Variants in MSRA observed in about 807,000 individuals in gnomAD.
MSRA encodes the protein mitochondrial peptide methionine sulfoxide reductase.
In MSRA, 54 loss-of-function variants were observed where a neutral mutation model predicts 31.3. The observed-to-expected ratio is 1.73, with a 90% CI of 1.39 to 2.17. The LOEUF is 2.17. Ranked by LOEUF, MSRA falls within the 30% of genes most tolerant of loss-of-function variation. The probability of loss-of-function intolerance (pLI) is 0.00; values close to 1 mark genes in which losing one functional copy is unlikely to be tolerated. For missense variants in MSRA, 507 were observed against 300.9 expected (o/e 1.69, Z -5.07); for synonymous variants, 169 against 116.5 (o/e 1.45, Z -2.90).
chr8:10,230,943 C>A (rs1252935967), intron 2 of MSRA, among the ~76,000 whole-genome samples: 4 of 152,164 alleles, frequency 2.6e-5, no homozygotes, highest in African/African-American at 9.7e-5. Flanking sequence ...TGCCACCACG[C>A]CTGGCTAATT....
At chr8:10,333,578 C>G (rs1345891722) in intron 5 of MSRA, among the ~76,000 whole-genome samples, 3 of 152,120 alleles carry the variant, frequency 2.0e-5, no homozygotes, top group Non-Finnish European at 4.4e-5. Flanking sequence ...TTCTTATTTG[C>G]TAAACAGGAT....
chr8:10,304,464 C>T (rs1801016826), intron 4 of MSRA, among the ~76,000 whole-genome samples: 1 of 152,200 alleles, frequency 6.6e-6, no homozygotes, highest in South Asian at 2.1e-4. Flanking sequence ...AAAAAACAAA[C>T]AATAACCAAC....
At chr8:10,070,481 G>C (rs1388050813) in intron 1 of MSRA, among the ~76,000 whole-genome samples, 1 of 152,204 alleles carries the variant, frequency 6.6e-6, no homozygotes, top group Non-Finnish European at 1.5e-5. Context: ...AATACAAACT[G>C]TTGTACTCTG....
rs981993361 is a variant in MSRA, at chr8:10,288,421, G to A, written c.332-13113G>A. On this transcript the variant is annotated intron_variant, in intron 3 of 5. Coordinates refer to ENST00000317173, the MANE Select transcript of MSRA (RefSeq NM_012331.5). ...AATTTATAGAATCAGGTGGTTTGGT[G>A]CTGTGCAGATATTCTAAAGAGTTCC... Among the ~76,000 whole-genome samples the A allele has an allele frequency of 1.4e-4, 21 of 152,292 alleles. 1 individual carries two copies. Among genetic ancestry groups the A allele is most frequent in the Middle Eastern group, 6.8e-3 (2 of 294 alleles).
chr8:10,166,543 G>C (rs894940020), intron 1 of MSRA, among the ~76,000 whole-genome samples: 19 of 152,144 alleles, frequency 1.2e-4, no homozygotes, highest in African/African-American at 4.6e-4. Flanking sequence ...GTGTGCATGT[G>C]CATTTGTATG....
intron 5 of MSRA, among the ~76,000 whole-genome samples, chr8:10,362,328 G>A (rs1037365709): frequency 6.6e-6 from 1 of 151,974 alleles, no homozygotes; most frequent in African/African-American, 2.4e-5. Context: ...TGTGATTAGT[G>A]CTTGCTCCTG....
intron 5 of MSRA, among the ~76,000 whole-genome samples, chr8:10,346,927 T>TCAGA (rs1803815970): frequency 6.6e-6 from 1 of 152,158 alleles, no homozygotes; most frequent in South Asian, 2.1e-4. Context: ...TTTTATATAG[T>TCAGA]CAGACTAGTG....
At chr8:10,226,978 G>A (rs1009150203) in intron 2 of MSRA, among the ~76,000 whole-genome samples, 12 of 152,168 alleles carry the variant, frequency 7.9e-5, no homozygotes, top group African/African-American at 2.9e-4. Context: ...CTGGTCCAGG[G>A]AGCTGGTTTT....
At chr8:10,175,156 A>G (rs1051440951) in intron 1 of MSRA, among the ~76,000 whole-genome samples, 3 of 151,806 alleles carry the variant, frequency 2.0e-5, no homozygotes, top group South Asian at 4.2e-4. Flanking sequence ...TCACTTCACC[A>G]TCTTGGAGCA....
intron 1 of MSRA, among the ~76,000 whole-genome samples, chr8:10,156,528 CGTTT>C (rs1429915224): frequency 6.6e-6 from 1 of 152,008 alleles, no homozygotes; most frequent in African/African-American, 2.4e-5. Flanking sequence ...AATGCTATAT[CGTTT>C]GTTTCTGTAG....
At chr8:10,253,464 A>G (rs1452819766) in intron 3 of MSRA, among the ~76,000 whole-genome samples, 4 of 152,246 alleles carry the variant, frequency 2.6e-5, no homozygotes, top group Non-Finnish European at 5.9e-5. Context: ...TCAATATTTC[A>G]GCAATTTTGG....
At chr8:10,170,272 A>G (rs1437883956) in intron 1 of MSRA, among the ~76,000 whole-genome samples, 3 of 152,156 alleles carry the variant, frequency 2.0e-5, no homozygotes, top group Non-Finnish European at 4.4e-5. Flanking sequence ...GATATCAGGA[A>G]GTGGGGCCTC....
At chr8:10,168,836 G>A (rs530631028) in intron 1 of MSRA, among the ~76,000 whole-genome samples, 2 of 152,286 alleles carry the variant, frequency 1.3e-5, no homozygotes, top group African/African-American at 4.8e-5. Context: ...AAATTTGGAA[G>A]TCTAGGACAT....
intron 1 of MSRA, among the ~76,000 whole-genome samples, chr8:10,132,540 C>T (rs1563133064): frequency 6.6e-6 from 1 of 152,162 alleles, no homozygotes; most frequent in African/African-American, 2.4e-5. Context: ...AAGATCAAGG[C>T]ACTGGCAGAT....
intron 1 of MSRA, among the ~76,000 whole-genome samples, chr8:10,188,405 G>A (rs1038011676): frequency 2.0e-5 from 3 of 152,154 alleles, no homozygotes; most frequent in African/African-American, 7.2e-5. Context: ...AGACTGTTTC[G>A]TTAGGATGTC....
chr8:10,334,250 A>G (rs758007623), intron 5 of MSRA, among the ~76,000 whole-genome samples: 1 of 151,430 alleles, frequency 6.6e-6, no homozygotes, highest in Non-Finnish European at 1.5e-5. Flanking sequence ...ATATTCGTTA[A>G]TTTCCGTGGA....
intron 2 of MSRA, among the ~76,000 whole-genome samples, chr8:10,216,748 A>C (rs1810029939): frequency 6.6e-6 from 1 of 152,204 alleles, no homozygotes; most frequent in Non-Finnish European, 1.5e-5. Flanking sequence ...TGTGTATGAA[A>C]ATTTCCTTCT....
At chr8:10,195,863 C>G (rs575395104) in intron 1 of MSRA, among the ~76,000 whole-genome samples, 5 of 152,192 alleles carry the variant, frequency 3.3e-5, no homozygotes, top group Non-Finnish European at 7.3e-5. Flanking sequence ...TTCGTTTTCA[C>G]GAACGAATAG....
At chr8:10,063,949 G>A (rs1176878094) in intron 1 of MSRA, among the ~76,000 whole-genome samples, 3 of 152,178 alleles carry the variant, frequency 2.0e-5, no homozygotes, top group East Asian at 1.9e-4. Flanking sequence ...CTTCTCTGCC[G>A]CCCCTTGGGG....
Sources: gnomAD v4.1 joint callset for allele counts (sites outside exome capture counted in the v4.1 genomes callset) on GRCh38, gnomAD v4.1.1 for gene constraint, MANE v1.5 for transcripts, NCBI Gene and HGNC (gene_info 2026-07-23, HGNC 2026-07-21) for gene names.